PDE1C: variants seen among roughly 807,000 people sequenced by gnomAD.
PDE1C encodes dual specificity calcium/calmodulin-dependent 3',5'-cyclic nucleotide phosphodiesterase 1C.
A neutral mutation model predicts 93.1 loss-of-function variants in PDE1C; 62 were observed. That is an observed-to-expected ratio of 0.67 (90% CI 0.54 to 0.82). The LOEUF is 0.82. Ranked by LOEUF, PDE1C falls within the 40% of genes least tolerant of loss-of-function variation. PDE1C has a pLI of 0.00. For synonymous variants in PDE1C, 325 were observed against 310.1 expected (o/e 1.05, Z -0.50); for missense variants, 742 against 884.6 (o/e 0.84, Z 2.04).
intron 2 of PDE1C, among the ~76,000 whole-genome samples, chr7:32,033,490 A>G (rs915446020): frequency 6.6e-6 from 1 of 152,136 alleles, no homozygotes; most frequent in African/African-American, 2.4e-5. Context: ...ACAAAAAACA[A>G]AAAAACCTGT....
At chr7:31,746,653 G>T (rs758124075), downstream of PDE1C, among the ~76,000 whole-genome samples, 3 of 152,142 alleles carry the variant, frequency 2.0e-5, no homozygotes, top group Non-Finnish European at 4.4e-5. Context: ...AACCGGATAT[G>T]GTTCAGTGGG....
the PDE1C span, among the ~76,000 whole-genome samples, chr7:31,620,572 A>G: frequency 6.6e-6 from 1 of 151,346 alleles, no homozygotes; most frequent in Non-Finnish European, 1.5e-5. Context: ...AGGAAAACTA[A>G]CAAACAGAAA....
chr7:31,827,984 G>A (rs1789906067), intron 12 of PDE1C, among the ~76,000 whole-genome samples: 1 of 152,136 alleles, frequency 6.6e-6, no homozygotes, highest in African/African-American at 2.4e-5. Context: ...AGAATGGCGG[G>A]ATGGAGTAGA....
At chr7:32,005,879 T>C (rs902557139) in intron 2 of PDE1C, among the ~76,000 whole-genome samples, 1 of 152,202 alleles carries the variant, frequency 6.6e-6, no homozygotes, top group African/African-American at 2.4e-5. Flanking sequence ...TGCTACCTTT[T>C]TTTTCTGCAC....
the PDE1C span, chr7:31,651,835 T>C: frequency 1.3e-6 from 1 of 745,340 alleles, no homozygotes; most frequent in Non-Finnish European, 2.2e-6. Context: ...TGACATTCTC[T>C]TTTAAGAAAT....
intron 15 of PDE1C, among the ~76,000 whole-genome samples, chr7:31,815,651 C>T (rs1314860200): frequency 2.0e-5 from 3 of 147,330 alleles, no homozygotes; most frequent in Non-Finnish European, 4.6e-5. Context: ...AATTTTCCCC[C>T]AGCTGGCAGG....
At chr7:31,648,238 T>A in the PDE1C span, among the ~76,000 whole-genome samples, 1 of 152,184 alleles carries the variant, frequency 6.6e-6, no homozygotes, top group Non-Finnish European at 1.5e-5. Context: ...GCTCTTACCA[T>A]TGAAGTTAAA....
At chr7:32,378,037 G>C (rs1784463380) in intron 1 of PDE1C, among the ~76,000 whole-genome samples, 2 of 152,218 alleles carry the variant, frequency 1.3e-5, no homozygotes, top group Admixed American at 1.3e-4. Context: ...ATTTACATTT[G>C]GGAGAGCAAG....
chr7:32,298,595 C>T (rs997133332), intron 1 of PDE1C: 3 of 1,548,254 alleles, frequency 1.9e-6, no homozygotes, highest in African/African-American at 1.4e-5. Flanking sequence ...CTCTGACCGC[C>T]ACCGGAGAGG....
chr7:31,923,585 T>C (rs187165403), intron 2 of PDE1C, among the ~76,000 whole-genome samples: 8 of 152,312 alleles, frequency 5.3e-5, no homozygotes, highest in African/African-American at 1.9e-4. Context: ...TTAGGAATAA[T>C]TGGAAATATT....
chr7:31,716,968 C>G, the PDE1C span, among the ~76,000 whole-genome samples: 1 of 152,092 alleles, frequency 6.6e-6, no homozygotes, highest in Non-Finnish European at 1.5e-5. Flanking sequence ...GGAAGCAACA[C>G]CAACCAAAAT....
intron 1 of PDE1C, among the ~76,000 whole-genome samples, chr7:32,254,169 A>G (rs1238060955): frequency 6.6e-6 from 1 of 152,208 alleles, no homozygotes; most frequent in Non-Finnish European, 1.5e-5. Context: ...TTGTTGGCGC[A>G]TTGTTGCAGG....
intron 1 of PDE1C, among the ~76,000 whole-genome samples, chr7:32,426,118 T>C (rs1381692184): frequency 2.0e-5 from 3 of 152,154 alleles, no homozygotes; most frequent in African/African-American, 4.8e-5. Context: ...CATGACAGAT[T>C]TTATAAAAAC....
At chr7:32,399,660 G>T (rs1174082961) in intron 1 of PDE1C, among the ~76,000 whole-genome samples, 1 of 144,344 alleles carries the variant, frequency 6.9e-6, no homozygotes, top group Non-Finnish European at 1.5e-5. Flanking sequence ...CCAGCTCACT[G>T]CAACTTCTGC....
chr7:32,063,038 C>G (rs1468014885), intron 1 of PDE1C, among the ~76,000 whole-genome samples: 2 of 152,284 alleles, frequency 1.3e-5, no homozygotes, highest in African/African-American at 4.8e-5. Flanking sequence ...CAAGAGGACT[C>G]TGTATAAACA....
intron 2 of PDE1C, among the ~76,000 whole-genome samples, chr7:31,979,116 A>C (rs1812050115): frequency 6.6e-6 from 1 of 152,182 alleles, no homozygotes; most frequent in South Asian, 2.1e-4. Flanking sequence ...ATAGCCTTAG[A>C]ATCCCTCTTA....
upstream of PDE1C, chr7:32,299,524 C>A (rs1400090812): frequency 4.4e-6 from 3 of 680,902 alleles, no homozygotes; most frequent in Non-Finnish European, 5.4e-6. Context: ...CCTGTCCTTT[C>A]GAATTTGGGT....
chr7:31,753,629 A>G, intron 17 of PDE1C, 76 bp from the exon 18 acceptor site: 4 of 1,513,776 alleles, frequency 2.6e-6, no homozygotes, highest in Non-Finnish European at 3.5e-6. Flanking sequence ...ATTGTGAGCA[A>G]CTTCCTCTAG....
rs190447064 is a variant in PDE1C, at chr7:32,113,826, T to C, written c.308+55959A>G. On this transcript the variant is annotated intron_variant, in intron 3 of 18. Coordinates refer to the PDE1C transcript ENST00000396193. The stretch of plus-strand genomic sequence containing the variant: ...GTCCTAATGAGAAAAGATAATCCTA[T>C]ACACCAACAATAGACAAGCAGAGAG... Among the ~76,000 whole-genome samples, 182 of 152,152 alleles carry C rather than the reference T, an allele frequency of 1.2e-3. 3 individuals are homozygous for C. In the South Asian group the frequency reaches 0.013, roughly 11 times the overall value.
Sources: allele counts gnomAD v4.1 joint callset (sites outside exome capture counted in the v4.1 genomes callset), GRCh38; gene constraint gnomAD v4.1.1; transcripts MANE v1.5; gene names NCBI Gene and HGNC (gene_info 2026-07-23, HGNC 2026-07-21).